Variants in NUP43 observed in about 807,000 individuals in gnomAD.
NUP43 encodes the protein nucleoporin Nup43.
A neutral mutation model predicts 47.3 loss-of-function variants in NUP43; 32 were observed. That is an observed-to-expected ratio of 0.68 (90% confidence interval 0.51 to 0.91). The LOEUF is 0.91. Ranked by LOEUF, NUP43 falls within the 40% of genes least tolerant of loss-of-function variation. NUP43 has a pLI of 0.00. For synonymous variants in NUP43, 147 were observed against 158.4 expected, an observed-to-expected ratio of 0.93 and a Z score of 0.54; for missense variants, 444 against 453.9, an observed-to-expected ratio of 0.98 and a Z score of 0.20.
chr6:149,739,102 T>TCCC (rs1172114153), intron 4 of NUP43, among the ~76,000 whole-genome samples: 3 of 151,668 alleles, frequency 2.0e-5, no homozygotes, highest in African/African-American at 7.3e-5. Context: ...TGCCTCAGCC[T>TCCC]CCCAAATAGC....
intron 2 of NUP43, among the ~76,000 whole-genome samples, chr6:149,745,523 C>T (rs1474042704): frequency 6.6e-6 from 1 of 152,036 alleles, no homozygotes; most frequent in Non-Finnish European, 1.5e-5. Flanking sequence ...CTAATCTCTA[C>T]TTAGGGAGTT....
intron 2 of NUP43, among the ~76,000 whole-genome samples, chr6:149,745,415 A>G (rs1016931827): frequency 6.6e-6 from 1 of 151,822 alleles, no homozygotes; most frequent in Non-Finnish European, 1.5e-5. Flanking sequence ...AAAAAAAAAA[A>G]AAGAAAACTC....
At chr6:149,746,637 A>C (rs771512043), upstream of NUP43, 78 of 1,589,940 alleles carry the variant, frequency 4.9e-5, no homozygotes, top group Non-Finnish European at 4.8e-5. Context: ...GTCGATAGCC[A>C]GTGTGGGCAC....
intron 6 of NUP43, among the ~76,000 whole-genome samples, chr6:149,734,837 T>A (rs1785240179): frequency 6.8e-6 from 1 of 147,416 alleles, no homozygotes. Context: ...TCTGGCATGA[T>A]ATCAAAGACA....
Position 149,742,453 on chromosome 6 carries a change from C to T in NUP43, c.439G>A (p.Val147Ile), listed in dbSNP as rs925602719. 6 of 1,614,106 alleles carry T rather than the reference C, an allele frequency of 3.7e-6. No homozygotes were observed. ...VVCNNPEIVT[V>I]GEDGRINLFR... Reference sequence around the variant, plus strand: ...AGATTTATTCGACCATCCTCTCCAACTGTAACGATTTCTGGGTTGTTGCAC... The same window carrying T: ...AGATTTATTCGACCATCCTCTCCAATTGTAACGATTTCTGGGTTGTTGCAC... The change falls in exon 4 of 8, where the codon GTT becomes ATT. Residue 147 changes from valine to isoleucine, a missense_variant. Val to Ile is a conservative substitution (Grantham distance 29, BLOSUM62 3). Transcript: ENST00000340413.
intron 4 of NUP43, among the ~76,000 whole-genome samples, chr6:149,740,657 C>CAA (rs1195239190): frequency 1.3e-5 from 2 of 152,060 alleles, no homozygotes; most frequent in African/African-American, 4.8e-5. Flanking sequence ...CACACACATA[C>CAA]AAAATGGATT....
chr6:149,732,688 T>C (rs1037401027), intron 6 of NUP43, among the ~76,000 whole-genome samples: 3 of 151,108 alleles, frequency 2.0e-5, no homozygotes, highest in African/African-American at 7.3e-5. Flanking sequence ...CTACCAAAAA[T>C]ACAAAAAATT....
At chr6:149,738,606 G>C in intron 5 of NUP43, 37 bp downstream of exon 5, 1 of 1,442,400 alleles carries the variant, frequency 6.9e-7, no homozygotes, top group Non-Finnish European at 9.3e-7. Flanking sequence ...ACATTAATTT[G>C]TGGATTACAT....
intron 6 of NUP43, 42 bp from the exon 7 acceptor site, chr6:149,731,777 G>A (rs983592930): frequency 1.4e-5 from 22 of 1,602,114 alleles, no homozygotes; most frequent in Non-Finnish European, 1.8e-5. Flanking sequence ...GTGCAGATTC[G>A]CTGAACAAAC....
Position 149,724,607 on chromosome 6 carries a change from G to A in NUP43, c.*2362C>T, listed in dbSNP as rs1369618456. 1 of 152,138 alleles carries A rather than the reference G, an allele frequency of 6.6e-6. No individual in the cohort carries two copies. Among genetic ancestry groups the A allele is most frequent in the East Asian group, 1.9e-4 (1 of 5,188 alleles). 9.4% of individuals were successfully genotyped at this position (152,138 alleles called of 1,614,324 possible). On this transcript the variant is annotated 3_prime_UTR_variant, in exon 8 of 8. Transcript: ENST00000340413. ...CTTATATATGTATATTTTTTGAGAT[G>A]GCGTTTTGCTCTTTTGCCCAGGCTG... is the stretch of plus-strand genomic sequence containing the variant.
intron 6 of NUP43, among the ~76,000 whole-genome samples, 183 bp from the exon 7 acceptor site, chr6:149,731,918 A>G (rs761603260): frequency 3.9e-5 from 6 of 152,206 alleles, no homozygotes; most frequent in Non-Finnish European, 5.9e-5. Flanking sequence ...TCCAATGGCT[A>G]TAACACATAG....
In NUP43 at chr6:149,735,598, C is replaced by CAAAAAA. The variant is rs57726234; in HGVS notation, c.790+867_790+872dup. The stretch of plus-strand genomic sequence containing the variant: ...AGGCAACAGAGAGAGACCCTGTCTC[C>CAAAAAA]AAAAAAAAAAAAAAAAAAAAAACAC... On this transcript the variant is annotated intron_variant, in intron 6 of 7. Coordinates refer to ENST00000340413, the MANE Select transcript of NUP43 (RefSeq NM_198887.3). 4.9e-3 allele frequency among the ~76,000 whole-genome samples: 253 copies of CAAAAAA among 51,272 alleles called. 22 individuals carry two copies. Among genetic ancestry groups the CAAAAAA allele is most frequent in the African/African-American group, 0.019 (227 of 11,812 alleles). The allele number at this position is 51,272 out of a possible 152,430, so 33.6% of individuals were successfully genotyped here.
rs1785966572 is a variant in NUP43, at chr6:149,745,925, G to A, written c.243+15C>T. 5.0e-6 allele frequency: 8 copies of A among 1,596,938 alleles called. No homozygotes were observed. The highest frequency in any genetic ancestry group is 6.8e-6 in the Non-Finnish European group (8 of 1,173,668). On this transcript the variant is annotated intron_variant, in intron 2 of 7. Coordinates refer to ENST00000340413, the MANE Select transcript of NUP43 (RefSeq NM_198887.3). ...GGACTTTCAAAGTTAGCTTTTGGAT[G>A]CTACACAGATTTACCTGTAAATCCA...
chr6:149,745,879 C>T, intron 2 of NUP43, 61 bp downstream of exon 2: 2 of 1,466,164 alleles, frequency 1.4e-6, no homozygotes, highest in Middle Eastern at 1.8e-4. Flanking sequence ...TGATGCTCTG[C>T]TTGTTTAAAT....
upstream of NUP43, among the ~76,000 whole-genome samples, chr6:149,748,575 C>T (rs1385308824): frequency 1.3e-5 from 2 of 151,936 alleles, no homozygotes; most frequent in East Asian, 1.9e-4. Context: ...TTTGGGAGGC[C>T]GAGGCGGGCG....
intron 3 of NUP43, 68 bp downstream of exon 3, chr6:149,743,570 G>A (rs1035492284): frequency 1.6e-5 from 16 of 969,724 alleles, no homozygotes; most frequent in African/African-American, 1.1e-4. Context: ...ACTCCAGTGC[G>A]CGGGCAACAA....
At chr6:149,731,269 C>CAA in intron 7 of NUP43, 1 of 171,052 alleles carries the variant, frequency 5.8e-6, no homozygotes, top group Non-Finnish European at 1.2e-5. Context: ...GACTCTGTCT[C>CAA]AAAAAAAAGG....
At chr6:149,737,476 T>C (rs1386392787) in intron 5 of NUP43, among the ~76,000 whole-genome samples, 1 of 152,120 alleles carries the variant, frequency 6.6e-6, no homozygotes, top group African/African-American at 2.4e-5. Context: ...GGGGTCTCAC[T>C]GTGTTGCCCT....
upstream of NUP43, among the ~76,000 whole-genome samples, chr6:149,748,933 C>A (rs931971395): frequency 5.3e-5 from 8 of 151,948 alleles, no homozygotes; most frequent in African/African-American, 1.9e-4. Context: ...GTGAGCTTCT[C>A]ACTCATGGTC....
Sources: gnomAD v4.1 joint callset for allele counts (sites outside exome capture counted in the v4.1 genomes callset) on GRCh38, gnomAD v4.1.1 for gene constraint, MANE v1.5 for transcripts, NCBI Gene and HGNC (gene_info 2026-07-23, HGNC 2026-07-21) for gene names.